The following DIS3L2 variants were observed in gnomAD, a reference collection of about 807,000 sequenced individuals.
DIS3L2 encodes DIS3 like 3'-5' exoribonuclease 2.
Under a neutral mutation model 97.5 loss-of-function variants are expected in DIS3L2, and 34 were observed. The ratio of observed to expected loss-of-function variants is 0.35; its 90% CI spans 0.27 to 0.46. The LOEUF (loss-of-function observed/expected upper bound fraction) is 0.46. Among genes scored for constraint, DIS3L2 ranks in the 20% least tolerant of loss-of-function variants. DIS3L2 has a pLI of 1.00. For missense variants in DIS3L2, 1,038 were observed against 1,146.0 expected, an observed-to-expected ratio of 0.91 and a Z score of 1.36; for synonymous variants, 435 against 445.2, an observed-to-expected ratio of 0.98 and a Z score of 0.29.
chr2:232,211,769 A>G (rs1466290137), intron 10 of DIS3L2, among the ~76,000 whole-genome samples: 5 of 152,344 alleles, frequency 3.3e-5, no homozygotes, highest in Non-Finnish European at 7.3e-5. Flanking sequence ...AGTAGATAGA[A>G]GGCTGAGAGA....
intron 11 of DIS3L2, among the ~76,000 whole-genome samples, chr2:232,247,791 T>G (rs1693302924): frequency 1.3e-5 from 2 of 152,136 alleles, no homozygotes. Flanking sequence ...ATAAAACACT[T>G]GACATATACA....
intron 9 of DIS3L2, among the ~76,000 whole-genome samples, chr2:232,175,082 G>T (rs1170654134): frequency 1.3e-5 from 2 of 152,104 alleles, no homozygotes; most frequent in Admixed American, 6.6e-5. Flanking sequence ...GCCCGCCCCG[G>T]CCTCCCAAAG....
intron 13 of DIS3L2, among the ~76,000 whole-genome samples, chr2:232,266,674 C>G (rs1299003085): frequency 6.6e-6 from 1 of 152,088 alleles, no homozygotes; most frequent in African/African-American, 2.4e-5. Flanking sequence ...TTCTCCTGCC[C>G]CTACTGCCTG....
At chr2:232,289,658 G>T (rs914414250) in intron 13 of DIS3L2, among the ~76,000 whole-genome samples, 1 of 139,414 alleles carries the variant, frequency 7.2e-6, no homozygotes, top group Non-Finnish European at 1.6e-5. Flanking sequence ...AGGAAGGCAG[G>T]TGCTAGAGAG....
intron 11 of DIS3L2, among the ~76,000 whole-genome samples, chr2:232,243,661 A>G (rs1210857075): frequency 2.0e-5 from 3 of 152,230 alleles, no homozygotes; most frequent in Non-Finnish European, 4.4e-5. Context: ...CATTCTGAAC[A>G]AGCAGCATTT....
intron 14 of DIS3L2, among the ~76,000 whole-genome samples, chr2:232,308,820 G>A (rs538277785): frequency 2.3e-4 from 35 of 152,284 alleles, no homozygotes; most frequent in African/African-American, 8.4e-4. Context: ...ATCCCCCGGG[G>A]TCTCAGAACA....
chr2:232,025,510 A>G (rs769203858), intron 4 of DIS3L2, among the ~76,000 whole-genome samples: 44 of 152,182 alleles, frequency 2.9e-4, no homozygotes, highest in Non-Finnish European at 4.9e-4. Flanking sequence ...GATAAAAGGT[A>G]TCACTGACAT....
chr2:232,054,364 C>T (rs1476614248), intron 5 of DIS3L2, among the ~76,000 whole-genome samples: 2 of 152,094 alleles, frequency 1.3e-5, no homozygotes, highest in Non-Finnish European at 2.9e-5. Context: ...ATTTTCAAAA[C>T]CTATTCTGTC....
intron 14 of DIS3L2, among the ~76,000 whole-genome samples, chr2:232,312,841 C>T (rs1338747734): frequency 1.3e-5 from 2 of 152,140 alleles, no homozygotes; most frequent in African/African-American, 2.4e-5. Flanking sequence ...ATTTGTGGTA[C>T]TATTTTAAAT....
chr2:231,993,808 ACATTGTTGAATAAGAATGT>A (rs1326801687), intron 1 of DIS3L2, among the ~76,000 whole-genome samples: 2 of 151,672 alleles, frequency 1.3e-5, no homozygotes, highest in South Asian at 2.1e-4. Context: ...CTAACGGTTA[ACATTGTTGAATAAGAATGT>A]CATTGTTGAA....
intron 10 of DIS3L2, among the ~76,000 whole-genome samples, chr2:232,238,079 G>A (rs1211316906): frequency 6.6e-6 from 1 of 152,048 alleles, no homozygotes; most frequent in African/African-American, 2.4e-5. Context: ...GCACAGAGGC[G>A]AGGTAGGGCA....
rs1449106181 is a variant in DIS3L2, at chr2:231,998,253, A to G, written c.-93-16582A>G. Among the ~76,000 whole-genome samples, 4 of 152,174 alleles carry G rather than the reference A, an allele frequency of 2.6e-5. 1 individual carries two copies. Among genetic ancestry groups the G allele is most frequent in the Admixed American group, 1.3e-4 (2 of 15,276 alleles). ...CTGTTGAGAGCCTTCTTGCTGCATC[A>G]TCCTGTGGTGGGAAGGCATAAGGGC... On this transcript the variant is annotated intron_variant, in intron 1 of 20. Coordinates refer to ENST00000325385, the MANE Select transcript of DIS3L2 (RefSeq NM_152383.5).
chr2:232,008,189 C>CTT lies in DIS3L2; in HGVS notation c.-93-6629_-93-6628dup, dbSNP rs35011144. 1.9e-4 allele frequency among the ~76,000 whole-genome samples: 24 copies of CTT among 127,744 alleles called. 1 individual carries two copies. Among genetic ancestry groups the CTT allele is most frequent in the African/African-American group, 5.7e-4 (20 of 34,976 alleles). 83.8% of individuals were successfully genotyped at this position (127,744 alleles called of 152,430 possible). A position where few individuals can be genotyped will look rare whatever the true frequency, so the allele number is the denominator to read the frequency against. On this transcript the variant is annotated intron_variant, in intron 1 of 20. Transcript: ENST00000325385. ...CACCATGTCCATCTAATTTTTTGTA[C>CTT]TTTTTTTTTTTTTTTTTTAATAGGG...
chr2:232,163,718 C>A, intron 9 of DIS3L2, 86 bp downstream of exon 9: 1 of 1,423,794 alleles, frequency 7.0e-7, no homozygotes, highest in Non-Finnish European at 9.3e-7. Context: ...TTTCATCTTT[C>A]CACGAACATT....
At chr2:232,163,226 G>A (rs898154670) in intron 8 of DIS3L2, among the ~76,000 whole-genome samples, 11 of 152,106 alleles carry the variant, frequency 7.2e-5, no homozygotes, top group Non-Finnish European at 1.6e-4. Context: ...TCTCAAGTCA[G>A]AATGTCAAAT....
intron 5 of DIS3L2, among the ~76,000 whole-genome samples, chr2:232,056,204 C>T (rs2106269781): frequency 6.6e-6 from 1 of 152,126 alleles, no homozygotes; most frequent in East Asian, 1.9e-4. Flanking sequence ...AACCCCGTTT[C>T]TACTAAAAAT....
intron 4 of DIS3L2, among the ~76,000 whole-genome samples, chr2:232,028,732 A>G (rs1258698016): frequency 6.6e-6 from 1 of 152,128 alleles, no homozygotes; most frequent in African/African-American, 2.4e-5. Context: ...GCCTTATTTC[A>G]GTTGTTCTCT....
rs765993618 is a variant in DIS3L2 at position 232,087,504 on chromosome 2, C to A, written c.384C>A (p.Ser128Arg). The A allele has an allele frequency of 1.9e-6, 3 of 1,611,890 alleles. No individual in the cohort carries two copies. In the Admixed American group the frequency reaches 5.0e-5, roughly 27 times the overall value. The change falls in exon 6 of 21, where the codon AGC becomes AGA. Residue 128 changes from serine (S) to arginine (R), a missense_variant. Physicochemically the swap from Ser to Arg is moderately radical, Grantham distance 110. Around this residue, in one of 3 missense-constraint regions of DIS3L2, gnomAD observed 813 missense variants for 880.1 expected, o/e 0.92. Coordinates refer to ENST00000325385, the MANE Select transcript of DIS3L2 (RefSeq NM_152383.5). ...TTCTTTAGGTAGTTAAACCAGAGAG[C>A]AATGACAAAGAAACAGAAGCTGCGT... Reference protein sequence around the residue: ...EEHWKVVKPESNDKETEAAYE... With the variant: ...EEHWKVVKPERNDKETEAAYE...
At chr2:232,102,369 T>C (rs950626221) in intron 6 of DIS3L2, among the ~76,000 whole-genome samples, 1 of 152,256 alleles carries the variant, frequency 6.6e-6, no homozygotes, top group Non-Finnish European at 1.5e-5. Flanking sequence ...GTAGCAACAA[T>C]TGGGGAGATT....
Sources: gnomAD v4.1 joint callset for allele counts (sites outside exome capture counted in the v4.1 genomes callset) on GRCh38, gnomAD v4.1.1 for gene constraint, gnomAD v4.1.1 regional missense constraint, MANE v1.5 for transcripts, NCBI Gene and HGNC (gene_info 2026-07-23, HGNC 2026-07-21) for gene names.